GPM6A: variants seen among roughly 807,000 people sequenced by gnomAD.
GPM6A encodes the protein glycoprotein M6A.
Under a neutral mutation model 32.1 loss-of-function variants are expected in GPM6A, and 7 were observed. The observed-to-expected ratio is 0.22, with a 90% CI of 0.12 to 0.41. The LOEUF (loss-of-function observed/expected upper bound fraction) is 0.41, where lower values mean the gene tolerates loss of function less well. GPM6A is among the 10% of genes least tolerant of loss of function. The pLI is 1.00. For missense variants in GPM6A, 235 were observed against 347.2 expected (o/e 0.68, Z 2.57); for synonymous variants, 130 against 123.4 (o/e 1.05, Z -0.35).
At chr4:175,788,486 A>C (rs1733886873) in intron 1 of GPM6A, among the ~76,000 whole-genome samples, 1 of 152,178 alleles carries the variant, frequency 6.6e-6, no homozygotes, top group Non-Finnish European at 1.5e-5. Flanking sequence ...AACAGTTTTG[A>C]ATCCCAATAC....
chr4:175,695,062 C>T (rs1400655727), intron 2 of GPM6A, among the ~76,000 whole-genome samples: 1 of 152,128 alleles, frequency 6.6e-6, no homozygotes, highest in Non-Finnish European at 1.5e-5. Context: ...GTTAAGCCTG[C>T]AGGGGAGCAG....
At chr4:175,683,529 T>C (rs548016752) in intron 2 of GPM6A, among the ~76,000 whole-genome samples, 2 of 152,260 alleles carry the variant, frequency 1.3e-5, no homozygotes, top group East Asian at 3.9e-4. Context: ...TATTTGTCCC[T>C]GCTTAAATCT....
In GPM6A at chr4:175,635,014, T is replaced by C; in HGVS notation, c.728A>G (p.Lys243Arg). 1 of 1,613,808 alleles carries C rather than the reference T, an allele frequency of 6.2e-7. No individual in the cohort carries two copies. The highest frequency in any genetic ancestry group is 8.5e-7 in the Non-Finnish European group (1 of 1,179,778). The change falls in exon 7 of 7, where the codon AAA becomes AGA. Residue 243 changes from lysine (K) to arginine (R), a missense_variant. By Grantham distance (26) the Lys-to-Arg change is conservative. Around this residue, in one of 3 missense-constraint regions of GPM6A, gnomAD observed 27 missense variants for 59.4 expected, o/e 0.45. Coordinates refer to ENST00000393658, the MANE Select transcript of GPM6A (RefSeq NM_201591.3). ...ATACTTCTGCATCCGGCAGGCGTCT[T>C]TCACATAGGCCCAGTTGGCAGACAG... ...MVLSANWAYV[K>R]DACRMQKYED...
upstream of GPM6A, among the ~76,000 whole-genome samples, chr4:175,814,633 T>G (rs1735042905): frequency 6.6e-6 from 1 of 152,248 alleles, no homozygotes; most frequent in South Asian, 2.1e-4. Flanking sequence ...CTTTTTCATG[T>G]GACAATTGTT....
At chr4:175,920,840 CAA>C (rs111395503) in intron 1 of GPM6A, among the ~76,000 whole-genome samples, 3 of 127,744 alleles carry the variant, frequency 2.3e-5, no homozygotes, top group Admixed American at 8.1e-5. Flanking sequence ...GAATCTGTCT[CAA>C]AAAAAAAAAA....
intron 1 of GPM6A, among the ~76,000 whole-genome samples, chr4:175,840,308 T>C (rs1456474658): frequency 1.3e-5 from 2 of 152,220 alleles, no homozygotes; most frequent in African/African-American, 4.8e-5. Context: ...AAAGAAATTT[T>C]CTCCATTATT....
chr4:175,968,452 T>C (rs1579673159), intron 1 of GPM6A, among the ~76,000 whole-genome samples: 1 of 152,328 alleles, frequency 6.6e-6, no homozygotes, highest in East Asian at 1.9e-4. Flanking sequence ...TAATCATTGC[T>C]GCTTGGCAAA....
intron 1 of GPM6A, among the ~76,000 whole-genome samples, chr4:175,820,438 T>C (rs1735237966): frequency 6.6e-6 from 1 of 151,996 alleles, no homozygotes; most frequent in African/African-American, 2.4e-5. Context: ...TCTGTGTGTA[T>C]ACAGATATAT....
At chr4:175,798,387 C>T (rs911807216) in intron 1 of GPM6A, among the ~76,000 whole-genome samples, 2 of 152,190 alleles carry the variant, frequency 1.3e-5, no homozygotes, top group Non-Finnish European at 2.9e-5. Context: ...GCTAAGAAAA[C>T]TCTGTTTATG....
intron 1 of GPM6A, among the ~76,000 whole-genome samples, chr4:175,758,372 A>T (rs1732612217): frequency 6.6e-6 from 1 of 152,178 alleles, no homozygotes; most frequent in South Asian, 2.1e-4. Context: ...AAAATGGATA[A>T]CAACTTTTAA....
intron 2 of GPM6A, among the ~76,000 whole-genome samples, chr4:175,690,317 T>C (rs1744225245): frequency 6.6e-6 from 1 of 152,242 alleles, no homozygotes; most frequent in Admixed American, 6.5e-5. Flanking sequence ...TTTTCAAACT[T>C]TAACTCAAAC....
intron 4 of GPM6A, 153 bp from the exon 5 acceptor site, chr4:175,640,982 A>G (rs1162284685): frequency 4.9e-6 from 3 of 611,274 alleles, no homozygotes; most frequent in Non-Finnish European, 8.7e-6. Flanking sequence ...CATTGTGGAT[A>G]ATAACTATGC....
chr4:175,864,018 A>T (rs1233208443), intron 1 of GPM6A, among the ~76,000 whole-genome samples: 1 of 152,118 alleles, frequency 6.6e-6, no homozygotes, highest in Non-Finnish European at 1.5e-5. Flanking sequence ...AAAAGAAAAA[A>T]AAATTCCATT....
intron 1 of GPM6A, among the ~76,000 whole-genome samples, chr4:175,753,554 G>A (rs1187085533): frequency 6.6e-6 from 1 of 152,106 alleles, no homozygotes; most frequent in Non-Finnish European, 1.5e-5. Flanking sequence ...CCTTCATAAA[G>A]TTCCCTAGTT....
At chr4:175,669,208 G>T (rs994129521) in intron 3 of GPM6A, among the ~76,000 whole-genome samples, 1 of 152,052 alleles carries the variant, frequency 6.6e-6, no homozygotes, top group Non-Finnish European at 1.5e-5. Context: ...GCTATGGAAC[G>T]GAGCTGTGAG....
At chr4:175,829,676 A>ATATATATATTACATATATG (rs1330898594) in intron 1 of GPM6A, among the ~76,000 whole-genome samples, 2 of 147,578 alleles carry the variant, frequency 1.4e-5, no homozygotes, top group South Asian at 2.1e-4. Context: ...CATATAAAAC[A>ATATATATATTACATATATG]TATATATATT....
intron 1 of GPM6A, among the ~76,000 whole-genome samples, chr4:175,733,860 T>G (rs1731538062): frequency 6.6e-6 from 1 of 152,144 alleles, no homozygotes; most frequent in South Asian, 2.1e-4. Flanking sequence ...AATGGTCTTT[T>G]AACGATAATT....
At chr4:175,660,270 GC>G (rs1416840923) in intron 3 of GPM6A, among the ~76,000 whole-genome samples, 11 of 152,090 alleles carry the variant, frequency 7.2e-5, no homozygotes, top group Admixed American at 4.6e-4. Context: ...TGTAATCCCA[GC>G]TACTCAGGAG....
At chr4:175,859,619 A>G (rs1043086525) in intron 1 of GPM6A, among the ~76,000 whole-genome samples, 1 of 152,186 alleles carries the variant, frequency 6.6e-6, no homozygotes, top group African/African-American at 2.4e-5. Flanking sequence ...GAGCCAAATG[A>G]ACCCAGAGAA....
Sources: gnomAD v4.1 joint callset for allele counts (sites outside exome capture counted in the v4.1 genomes callset) on GRCh38, gnomAD v4.1.1 for gene constraint, gnomAD v4.1.1 regional missense constraint, MANE v1.5 for transcripts, NCBI Gene and HGNC (gene_info 2026-07-23, HGNC 2026-07-21) for gene names.